The following CDH18 variants were observed in gnomAD, a reference collection of about 807,000 sequenced individuals.
CDH18 encodes the protein cadherin-18.
A neutral mutation model predicts 67.9 loss-of-function variants in CDH18; 31 were observed. The ratio of observed to expected loss-of-function variants is 0.46; its 90% CI spans 0.34 to 0.62. The LOEUF (loss-of-function observed/expected upper bound fraction) is 0.62, where lower values mean the gene tolerates loss of function less well. Ranked by LOEUF, CDH18 falls within the 20% of genes least tolerant of loss-of-function variation. CDH18 has a pLI of 0.01. For synonymous variants in CDH18, 362 were observed against 347.2 expected, an observed-to-expected ratio of 1.04 and a Z score of -0.48; for missense variants, 890 against 975.5, an observed-to-expected ratio of 0.91 and a Z score of 1.17.
intron 2 of CDH18, among the ~76,000 whole-genome samples, chr5:20,012,072 C>CT (rs914178366): frequency 1.6e-4 from 24 of 150,572 alleles, no homozygotes; most frequent in South Asian, 1.0e-3. Context: ...TGGTCCTGGG[C>CT]TTTTTTTTTG....
intron 2 of CDH18, among the ~76,000 whole-genome samples, chr5:20,101,170 C>A (rs1746432784): frequency 6.6e-6 from 1 of 151,916 alleles, no homozygotes; most frequent in Non-Finnish European, 1.5e-5. Context: ...CTATATTGCC[C>A]AGGTTAGTCT....
At chr5:20,400,250 C>T (rs535849805) in intron 1 of CDH18, among the ~76,000 whole-genome samples, 37 of 152,130 alleles carry the variant, frequency 2.4e-4, no homozygotes, top group African/African-American at 6.7e-4. Flanking sequence ...GGAGCTGAGA[C>T]GGGTGGATCA....
At chr5:19,924,595 C>T (rs1247817705) in intron 2 of CDH18, among the ~76,000 whole-genome samples, 1 of 152,142 alleles carries the variant, frequency 6.6e-6, no homozygotes, top group Non-Finnish European at 1.5e-5. Flanking sequence ...CACTGCACTC[C>T]AGCCTGGGCG....
intron 1 of CDH18, among the ~76,000 whole-genome samples, chr5:20,289,958 C>A (rs1446413726): frequency 6.6e-6 from 1 of 152,008 alleles, no homozygotes; most frequent in Non-Finnish European, 1.5e-5. Flanking sequence ...ACTTTGCCCA[C>A]AAAAACTGTT....
rs575489949 is a variant in CDH18, at chr5:19,886,725, T to G, written c.-256-47483A>C. Among the ~76,000 whole-genome samples, 22 of 152,284 alleles carry G rather than the reference T, an allele frequency of 1.4e-4. No homozygotes were observed. The South Asian group carries it at 4.6e-3, about 32-fold the overall frequency. On this transcript the variant is annotated intron_variant, in intron 2 of 12. Coordinates refer to ENST00000382275, the MANE Select transcript of CDH18 (RefSeq NM_004934.5). ...AAGTGAAAGCACCTGTGTAATCACA[T>G]CCAGCTCAAGAATTACATCACCAGT...
chr5:19,527,054 T>C (rs538943031), intron 9 of CDH18, among the ~76,000 whole-genome samples: 28 of 152,094 alleles, frequency 1.8e-4, no homozygotes, highest in African/African-American at 6.7e-4. Flanking sequence ...ATTACTCTCA[T>C]TCTTTTGAAT....
At chr5:20,526,250 C>T (rs1316626818) in intron 1 of CDH18, among the ~76,000 whole-genome samples, 1 of 152,236 alleles carries the variant, frequency 6.6e-6, no homozygotes, top group Non-Finnish European at 1.5e-5. Context: ...GGTTTGCAGA[C>T]AGAACTCTCA....
chr5:19,673,187 C>T lies in CDH18; in HGVS notation c.643+48160G>A, dbSNP rs1444971259. Among the ~76,000 whole-genome samples, 3 of 151,942 alleles carry T rather than the reference C, an allele frequency of 2.0e-5. No homozygotes were observed. The East Asian group carries it at 5.8e-4, about 29-fold the overall frequency. On this transcript the variant is annotated intron_variant, in intron 5 of 12. Coordinates refer to ENST00000382275, the MANE Select transcript of CDH18 (RefSeq NM_004934.5). ...TTATTCTGTTTTTGTTGTTGAGAAA[C>T]TTATTAGACTGCCAGGAATTACTAG...
intron 1 of CDH18, among the ~76,000 whole-genome samples, chr5:20,438,235 A>ATT (rs1749327257): frequency 1.2e-5 from 1 of 80,130 alleles, no homozygotes; most frequent in Admixed American, 1.2e-4. Context: ...CTGCCCCCAA[A>ATT]TTATATATAT....
At chr5:19,813,187 G>A (rs1292854630) in intron 3 of CDH18, among the ~76,000 whole-genome samples, 3 of 152,042 alleles carry the variant, frequency 2.0e-5, no homozygotes, top group African/African-American at 7.2e-5. Context: ...AATATCTAAT[G>A]TAGATGATGG....
intron 1 of CDH18, among the ~76,000 whole-genome samples, chr5:20,362,389 A>T (rs1742157556): frequency 6.6e-6 from 1 of 152,192 alleles, no homozygotes; most frequent in Non-Finnish European, 1.5e-5. Flanking sequence ...CATGTGAACT[A>T]AGTACTCATC....
intron 7 of CDH18, among the ~76,000 whole-genome samples, chr5:19,577,010 T>C (rs1580304199): frequency 6.6e-6 from 1 of 152,294 alleles, no homozygotes; most frequent in Non-Finnish European, 1.5e-5. Context: ...AAATACCATA[T>C]GATCTTAGTT....
At chr5:19,521,093 C>A (rs1394721679) in intron 9 of CDH18, among the ~76,000 whole-genome samples, 1 of 152,066 alleles carries the variant, frequency 6.6e-6, no homozygotes, top group Non-Finnish European at 1.5e-5. Context: ...ACAGGATGAA[C>A]AATTGGTTTC....
At position 19,483,353 on chromosome 5, in the gene CDH18, A is replaced by G. The variant is rs774079706; in HGVS notation, c.1830T>C (p.Gly610=). 3 of 1,613,786 alleles carry G rather than the reference A, an allele frequency of 1.9e-6. No individual in the cohort carries two copies. Among genetic ancestry groups the G allele is most frequent in the African/African-American group, 2.7e-5 (2 of 74,866 alleles). Residue 610 remains glycine, a synonymous_variant, in exon 12 of 13, where the codon GGT becomes GGC. Transcript: ENST00000382275. ...CHAEAFLSSA[G]LSTGALIAIL... is the part of the protein sequence containing the mutation. ...TAGCGATTAAGGCTCCTGTACTCAA[A>G]CCAGCCGAGGACAGGAAGGCTTCTG...
At chr5:20,471,326 G>A (rs1752053446) in intron 1 of CDH18, among the ~76,000 whole-genome samples, 4 of 152,014 alleles carry the variant, frequency 2.6e-5, no homozygotes, top group South Asian at 2.1e-4. Flanking sequence ...TAACCTCATC[G>A]GAGTTATTGC....
intron 1 of CDH18, among the ~76,000 whole-genome samples, chr5:20,550,379 C>A (rs1055407998): frequency 1.3e-5 from 2 of 151,900 alleles, no homozygotes; most frequent in African/African-American, 4.8e-5. Context: ...CCTTGGAGAG[C>A]GATCTATAGA....
At chr5:20,085,994 G>A (rs1024784809) in intron 2 of CDH18, among the ~76,000 whole-genome samples, 3 of 152,138 alleles carry the variant, frequency 2.0e-5, no homozygotes, top group Admixed American at 2.0e-4. Flanking sequence ...CATGTCAAAA[G>A]CTGAGAAAAG....
intron 2 of CDH18, among the ~76,000 whole-genome samples, chr5:19,923,727 T>A (rs186311628): frequency 2.6e-4 from 39 of 152,338 alleles, no homozygotes; most frequent in African/African-American, 9.1e-4. Flanking sequence ...AGTGTGGTTA[T>A]TTGTAAAGCC....
At chr5:19,496,091 G>A (rs1742280547) in intron 11 of CDH18, among the ~76,000 whole-genome samples, 1 of 152,268 alleles carries the variant, frequency 6.6e-6, no homozygotes, top group East Asian at 1.9e-4. Flanking sequence ...AGCCCTGGAA[G>A]ACAAAAGAAA....
Sources: allele counts gnomAD v4.1 joint callset (sites outside exome capture counted in the v4.1 genomes callset), GRCh38; gene constraint gnomAD v4.1.1; transcripts MANE v1.5; gene names NCBI Gene and HGNC (gene_info 2026-07-23, HGNC 2026-07-21).